KLHL7: variants seen among roughly 807,000 people sequenced by gnomAD.
KLHL7 encodes kelch-like protein 7.
A neutral mutation model predicts 67.4 loss-of-function variants in KLHL7; 44 were observed. The observed-to-expected ratio is 0.65, with a 90% confidence interval of 0.51 to 0.84. The LOEUF is 0.84. Among genes scored for constraint, KLHL7 ranks in the 40% least tolerant of loss-of-function variants. KLHL7 has a pLI of 0.00. For synonymous variants in KLHL7, 252 were observed against 243.3 expected, an observed-to-expected ratio of 1.04 and a Z score of -0.33; for missense variants, 362 against 718.1, an observed-to-expected ratio of 0.50 and a Z score of 5.67.
intron 6 of KLHL7, among the ~76,000 whole-genome samples, chr7:23,148,674 T>G (rs1206447261): frequency 1.3e-5 from 2 of 152,228 alleles, no homozygotes; most frequent in Non-Finnish European, 2.9e-5. Context: ...TCATACATGG[T>G]CTGGGCTGTT....
chr7:23,167,546 G>T (rs1447184965), intron 8 of KLHL7, among the ~76,000 whole-genome samples: 2 of 151,884 alleles, frequency 1.3e-5, no homozygotes, highest in Non-Finnish European at 1.5e-5. Flanking sequence ...CATATATAAG[G>T]CTTCTTATTT....
At position 23,140,578 on chromosome 7, in the gene KLHL7, C is replaced by CAA. The variant is rs5882887; in HGVS notation, c.443-182_443-181dup. ...TCTCAAAAAACAAAAAAACAAAAAA[C>CAA]AAAAAAAAAACCAGTCTTTTATAAG... On this transcript the variant is annotated intron_variant, in intron 4 of 10. Coordinates refer to ENST00000339077, the MANE Select transcript of KLHL7 (RefSeq NM_001031710.3). The CAA allele has an allele frequency of 9.2e-3, 5,479 of 595,912 alleles. 1 individual carries two copies. Among genetic ancestry groups the CAA allele is most frequent in the Middle Eastern group, 0.019 (42 of 2,166 alleles). 36.9% of individuals were successfully genotyped at this position (595,912 alleles called of 1,614,324 possible). A position where few individuals can be genotyped will look rare whatever the true frequency, so the allele number is the denominator to read the frequency against.
rs1782621587 is a variant in KLHL7, at chr7:23,106,056, C to T, written c.30C>T (p.Ser10=). The T allele has an allele frequency of 1.9e-6, 3 of 1,609,922 alleles. No individual in the cohort carries two copies. Among genetic ancestry groups the T allele is most frequent in the South Asian group, 2.2e-5 (2 of 90,046 alleles). ...CAGCCTCTGGGGTGGAGAAGAGCAG[C>T]AAGAAGAAGACCGAGAAGAAACTTG... The part of the protein sequence containing the change: MAASGVEKS[S]KKKTEKKLAA... The change falls in exon 1 of 11, where the codon AGC becomes AGT. Residue 10 remains serine (S), a synonymous_variant. Transcript: ENST00000339077.
rs1233199722 is a variant in KLHL7 at position 23,177,849 on chromosome 7, AT to A, written c.*3555del. 6.6e-6 allele frequency: 1 copy of A among 152,216 alleles called. No individual in the cohort carries two copies. The highest frequency in any genetic ancestry group is 1.5e-5 in the Non-Finnish European group (1 of 68,022). The allele number at this position is 152,216 out of a possible 1,614,324, so 9.4% of individuals were successfully genotyped here. ...CCATGAAAATTTTAAGTCATGAATT[AT>A]TTTGACATGACAATATTGCTAACAA... On this transcript the variant is annotated 3_prime_UTR_variant, in exon 11 of 11. Coordinates refer to ENST00000339077, the MANE Select transcript of KLHL7 (RefSeq NM_001031710.3).
At chr7:23,136,506 G>A (rs1015133022) in intron 4 of KLHL7, among the ~76,000 whole-genome samples, 4 of 152,290 alleles carry the variant, frequency 2.6e-5, no homozygotes. Context: ...ACACAAACTT[G>A]TTTTAGCTAG....
Position 23,124,742 on chromosome 7 carries a change from ATAT to A in KLHL7, c.283_285del (p.Ile95del). ...GTAGAACTCAAAGATGCTGAACCTG[ATAT>A]TATTGAACAACTGGTGGAATTTGCT... is the stretch of plus-strand genomic sequence containing the variant. On this transcript the variant is annotated inframe_deletion, in exon 3 of 11. Coordinates refer to ENST00000339077, the MANE Select transcript of KLHL7 (RefSeq NM_001031710.3). The A allele has an allele frequency of 6.2e-7, 1 of 1,611,962 alleles. No individual in the cohort carries two copies.
At chr7:23,143,361 T>G (rs181909687) in intron 5 of KLHL7, among the ~76,000 whole-genome samples, 1 of 152,336 alleles carries the variant, frequency 6.6e-6, no homozygotes. Flanking sequence ...TCTTTATATC[T>G]TAAAGTTTCT....
chr7:23,125,761 G>A, intron 4 of KLHL7: 2 of 1,493,552 alleles, frequency 1.3e-6, no homozygotes, highest in Non-Finnish European at 1.8e-6. Flanking sequence ...TTTGTGATAG[G>A]AGAAGCAGAA....
At chr7:23,106,439 T>C (rs1373745421) in intron 1 of KLHL7, 5 of 1,252,298 alleles carry the variant, frequency 4.0e-6, no homozygotes, top group Non-Finnish European at 5.1e-6. Context: ...AGCTCTGCCC[T>C]AGTTATCTCT....
chr7:23,125,829 G>A lies in KLHL7; in HGVS notation c.442+657G>A, dbSNP rs779934849. 101 of 1,550,376 alleles carry A rather than the reference G, an allele frequency of 6.5e-5. No individual in the cohort carries two copies. The African/African-American group carries it at 1.2e-3, about 19-fold the overall frequency. ...GCTTTTCACTGTGTGATGATCCTTA[G>A]TGGCACATGAATGAACGTCCAGATG... On this transcript the variant is annotated intron_variant, in intron 4 of 10. Transcript: ENST00000339077.
At chr7:23,143,535 G>T (rs1784258920) in intron 5 of KLHL7, among the ~76,000 whole-genome samples, 2 of 151,698 alleles carry the variant, frequency 1.3e-5, no homozygotes, top group Non-Finnish European at 2.9e-5. Context: ...TTGACTGATA[G>T]TTTTTTTTCA....
intron 9 of KLHL7, 25 bp from the exon 10 acceptor site, chr7:23,172,921 GCA>G (rs1562595454): frequency 6.6e-7 from 1 of 1,520,638 alleles, no homozygotes. Flanking sequence ...CTGTAAACAA[GCA>G]CACTAAAAAC....
At chr7:23,161,100 G>A (rs918385716) in intron 7 of KLHL7, among the ~76,000 whole-genome samples, 1 of 151,996 alleles carries the variant, frequency 6.6e-6, no homozygotes, top group African/African-American at 2.4e-5. Flanking sequence ...ACCATTCATT[G>A]TATTTTCGTT....
At chr7:23,152,280 T>C (rs2141305) in intron 7 of KLHL7, 71 bp downstream of exon 7, 497,400 of 1,371,940 alleles carry the variant, frequency 0.36, 95,844 homozygotes, top group African/African-American at 0.69. Flanking sequence ...ACTCACCAAC[T>C]AGAAGTAGTA....
chr7:23,167,814 A>G (rs1785046996), intron 8 of KLHL7, 22 bp from the exon 9 acceptor site: 3 of 1,610,234 alleles, frequency 1.9e-6, no homozygotes, highest in East Asian at 2.2e-5. Flanking sequence ...GTTAAGCATG[A>G]TGGGGCCTTT....
At position 23,174,265 on chromosome 7, in the gene KLHL7, T is replaced by C; in HGVS notation, c.1728T>C (p.Thr576=). 1 of 1,614,186 alleles carries C rather than the reference T, an allele frequency of 6.2e-7. No homozygotes were observed. The highest frequency in any genetic ancestry group is 8.5e-7 in the Non-Finnish European group (1 of 1,179,998). Residue 576 remains threonine (T), a synonymous_variant, in exon 11 of 11, where the codon ACT becomes ACC. Transcript: ENST00000339077. ...VTSCLICVVD[T]CGANEETLET ...GTTGTTTAATTTGTGTTGTCGATACTTGTGGAGCAAATGAAGAGACCCTTG... is the reference window on the plus strand; with the variant it reads ...GTTGTTTAATTTGTGTTGTCGATACCTGTGGAGCAAATGAAGAGACCCTTG...
rs1783449426 is a variant in KLHL7 at position 23,123,800 on chromosome 7, C to T, written c.144C>T (p.Leu48=). ...AGAAAACGTTGTGTGACGTGATCCTCATGGTCCAGGAAAGAAAGATACCTG... is the reference window on the plus strand; with the variant it reads ...AGAAAACGTTGTGTGACGTGATCCTTATGGTCCAGGAAAGAAAGATACCTG... ...RKQKTLCDVI[L]MVQERKIPAH... Residue 48 remains leucine (L), a synonymous_variant, in exon 2 of 11, where the codon CTC becomes CTT. Coordinates refer to ENST00000339077, the MANE Select transcript of KLHL7 (RefSeq NM_001031710.3). 1.2e-6 allele frequency: 2 copies of T among 1,613,328 alleles called. No individual in the cohort carries two copies. Among genetic ancestry groups the T allele is most frequent in the Non-Finnish European group, 1.7e-6 (2 of 1,179,566 alleles).
chr7:23,150,964 A>G, intron 6 of KLHL7, among the ~76,000 whole-genome samples: 1 of 152,242 alleles, frequency 6.6e-6, no homozygotes. Context: ...TTATAAATTA[A>G]TAAAGTGTCT....
chr7:23,169,941 G>C (rs1785106533), intron 9 of KLHL7, among the ~76,000 whole-genome samples: 1 of 152,154 alleles, frequency 6.6e-6, no homozygotes, highest in East Asian at 1.9e-4. Context: ...CAGGTGTGGT[G>C]GTTCATACCT....
Sources: gnomAD v4.1 joint callset for allele counts (sites outside exome capture counted in the v4.1 genomes callset) on GRCh38, gnomAD v4.1.1 for gene constraint, MANE v1.5 for transcripts, NCBI Gene and HGNC (gene_info 2026-07-23, HGNC 2026-07-21) for gene names.